Variants in PPIA observed in about 807,000 individuals in gnomAD.
PPIA encodes the protein peptidyl-prolyl cis-trans isomerase A.
A neutral mutation model predicts 15.3 loss-of-function variants in PPIA; 2 were observed. The ratio of observed to expected loss-of-function variants is 0.13; its 90% confidence interval spans 0.05 to 0.41. The LOEUF (loss-of-function observed/expected upper bound fraction) is 0.41, where lower values mean the gene tolerates loss of function less well. Among genes scored for constraint, PPIA ranks in the 10% least tolerant of loss-of-function variants. The pLI, the probability that PPIA is intolerant of heterozygous loss-of-function variation, is 0.99. For missense variants in PPIA, 103 were observed against 210.3 expected (o/e 0.49, Z 3.16); for synonymous variants, 67 against 73.1 (o/e 0.92, Z 0.43).
intron 1 of PPIA, chr7:44,798,862 CT>C (rs1200381941): frequency 7.9e-6 from 8 of 1,017,886 alleles, no homozygotes; most frequent in Admixed American, 5.4e-5. Context: ...CTGTTTACCC[CT>C]GATCGTGCAG....
chr7:44,797,178 C>A (rs1413147203), intron 1 of PPIA, among the ~76,000 whole-genome samples: 1 of 152,194 alleles, frequency 6.6e-6, no homozygotes, highest in Admixed American at 6.5e-5. Context: ...GCCAGAAGCA[C>A]GCTCGCGGGG....
At chr7:44,801,111 C>T (rs1202972942) in intron 4 of PPIA, among the ~76,000 whole-genome samples, 176 bp from the exon 5 acceptor site, 1 of 152,040 alleles carries the variant, frequency 6.6e-6, no homozygotes, top group Non-Finnish European at 1.5e-5. Context: ...GCCACCGCAC[C>T]CGGCCTATAT....
chr7:44,800,534 G>A (rs1792519546), intron 4 of PPIA: 1 of 153,992 alleles, frequency 6.5e-6, no homozygotes, highest in African/African-American at 2.4e-5. Flanking sequence ...TCAAGTAGCT[G>A]GAACTACAGG....
At chr7:44,797,326 A>G (rs1028979971) in intron 1 of PPIA, among the ~76,000 whole-genome samples, 9 of 152,114 alleles carry the variant, frequency 5.9e-5, no homozygotes, top group Non-Finnish European at 1.0e-4. Flanking sequence ...GGTCCTGTAG[A>G]TCCCGGGAGG....
chr7:44,802,173 G>GTTC lies in PPIA; in HGVS notation c.*753_*754insCTT, dbSNP rs10627827. The GTTC allele has an allele frequency of 0.65, 89,211 of 137,370 alleles. 32,063 individuals carry two copies. Among genetic ancestry groups the GTTC allele is most frequent in the Non-Finnish European group, 0.81 (53,376 of 65,646 alleles). The allele number at this position is 137,370 out of a possible 1,614,324, so 8.5% of individuals were successfully genotyped here. On this transcript the variant is annotated 3_prime_UTR_variant, in exon 5 of 5. Coordinates refer to ENST00000468812, the MANE Select transcript of PPIA (RefSeq NM_021130.5). ...GTCAAAAATTGAGACATCTGTTGCGGTTTTTTTTTTTTTTTTTTCCCCTGG... is the reference window on the plus strand; with the variant it reads ...GTCAAAAATTGAGACATCTGTTGCGGTTCTTTTTTTTTTTTTTTTTTCCCCTGG...
Position 44,799,339 on chromosome 7 carries a change from G to A in PPIA, c.101-53G>A, listed in dbSNP as rs779260880. 1.5e-4 allele frequency: 245 copies of A among 1,580,878 alleles called. 1 individual carries two copies. Among genetic ancestry groups the A allele is most frequent in the Admixed American group, 1.1e-3 (67 of 58,286 alleles). On this transcript the variant is annotated intron_variant, in intron 2 of 4. Transcript: ENST00000468812. ...ATTGTGACAGTTTGTGTGTGTGTGTGTATATATATATTTTTATGTATGTAT... is the reference window on the plus strand; with the variant it reads ...ATTGTGACAGTTTGTGTGTGTGTGTATATATATATATTTTTATGTATGTAT...
chr7:44,799,880 G>T lies in PPIA; in HGVS notation c.362+6G>T. 4 of 1,608,470 alleles carry T rather than the reference G, an allele frequency of 2.5e-6. No individual in the cohort carries two copies. The highest frequency in any genetic ancestry group is 2.5e-6 in the Non-Finnish European group (3 of 1,179,624). ...TGCACTGCCAAGACTGAGTGGTAAG[G>T]GTACAACATGGCACACTAACCACCT... On this transcript the variant is annotated splice_donor_region_variant and intron_variant, in intron 4 of 4. Coordinates refer to ENST00000468812, the MANE Select transcript of PPIA (RefSeq NM_021130.5).
intron 4 of PPIA, 183 bp downstream of exon 4, chr7:44,800,057 T>A: frequency 1.5e-6 from 1 of 668,310 alleles, no homozygotes; most frequent in Non-Finnish European, 2.5e-6. Context: ...TCAGATACTA[T>A]GATAGAAACT....
intron 1 of PPIA, 112 bp downstream of exon 1, chr7:44,796,905 C>A: frequency 8.6e-7 from 1 of 1,161,172 alleles, no homozygotes; most frequent in African/African-American, 1.6e-5. Context: ...GAGGGGCGAG[C>A]GCGGGCGGGC....
intron 1 of PPIA, among the ~76,000 whole-genome samples, chr7:44,797,715 CGT>C (rs1359934097): frequency 2.6e-5 from 4 of 152,178 alleles, no homozygotes; most frequent in East Asian, 3.8e-4. Flanking sequence ...AAACTTGGCG[CGT>C]GTCTTCAAAG....
chr7:44,796,851 G>A, intron 1 of PPIA, 58 bp downstream of exon 1: 2 of 1,536,360 alleles, frequency 1.3e-6, no homozygotes, highest in Non-Finnish European at 8.8e-7. Flanking sequence ...GGGTCGGGGT[G>A]GGTGGTAGCG....
Position 44,801,636 on chromosome 7 carries a change from C to T in PPIA, c.*214C>T, listed in dbSNP as rs1237224764. ...ATAAAAACTAAATAACAATTGTCCTCGTTTGAGTTAAGAGTGTTGATGTAG... is the reference window on the plus strand; with the variant it reads ...ATAAAAACTAAATAACAATTGTCCTTGTTTGAGTTAAGAGTGTTGATGTAG... On this transcript the variant is annotated 3_prime_UTR_variant, in exon 5 of 5. Coordinates refer to ENST00000468812, the MANE Select transcript of PPIA (RefSeq NM_021130.5). 3 of 419,072 alleles carry T rather than the reference C, an allele frequency of 7.2e-6. No homozygotes were observed. Among genetic ancestry groups the T allele is most frequent in the Non-Finnish European group, 1.3e-5 (3 of 228,780 alleles). The allele number at this position is 419,072 out of a possible 1,614,324, so 26.0% of individuals were successfully genotyped here.
rs1792487926 is a variant in PPIA, at chr7:44,799,683, T to C, written c.190-19T>C. 6.2e-7 allele frequency: 1 copy of C among 1,613,888 alleles called. No individual in the cohort carries two copies. The stretch of plus-strand genomic sequence containing the variant: ...ATGGTTATGTTGTCAGAAGTGACAT[T>C]TTTCCTATATGTTGACAGGGTGGTG... On this transcript the variant is annotated intron_variant, in intron 3 of 4. Transcript: ENST00000468812.
At chr7:44,796,921 C>T (rs1792385488) in intron 1 of PPIA, 128 bp downstream of exon 1, 3 of 1,064,102 alleles carry the variant, frequency 2.8e-6, no homozygotes, top group Non-Finnish European at 3.9e-6. Context: ...CGGGCTGCGG[C>T]GCCATTTCCT....
intron 1 of PPIA, among the ~76,000 whole-genome samples, chr7:44,797,345 T>C (rs201035574): frequency 1.3e-5 from 2 of 152,324 alleles, no homozygotes; most frequent in East Asian, 3.9e-4. Context: ...GGCCATGTTA[T>C]AAAAGGAGAC....
At chr7:44,799,048 C>A in intron 1 of PPIA, 199 bp from the exon 2 acceptor site, 1 of 1,119,930 alleles carries the variant, frequency 8.9e-7, no homozygotes, top group Non-Finnish European at 1.2e-6. Flanking sequence ...GGATTTTTGG[C>A]ATGTCTTTGG....
intron 4 of PPIA, 78 bp downstream of exon 4, chr7:44,799,952 T>G: frequency 6.9e-7 from 1 of 1,445,018 alleles, no homozygotes; most frequent in East Asian, 2.3e-5. Flanking sequence ...AACACTACTT[T>G]TCTTCAACCT....
chr7:44,797,302 G>T (rs1339938126), intron 1 of PPIA, among the ~76,000 whole-genome samples: 2 of 152,202 alleles, frequency 1.3e-5, no homozygotes, highest in African/African-American at 4.8e-5. Context: ...CGCGGTGTGA[G>T]CCCGTCCATG....
At chr7:44,797,723 C>A (rs3735481) in intron 1 of PPIA, among the ~76,000 whole-genome samples, 50,667 of 152,202 alleles carry the variant, frequency 0.33, 11,733 homozygotes, top group East Asian at 0.77. Context: ...CGCGTGTCTT[C>A]AAAGTTAAAT....
Sources: allele counts gnomAD v4.1 joint callset (sites outside exome capture counted in the v4.1 genomes callset), GRCh38; gene constraint gnomAD v4.1.1; transcripts MANE v1.5; gene names NCBI Gene and HGNC (gene_info 2026-07-23, HGNC 2026-07-21).